DNAH5: variants seen among roughly 807,000 people sequenced by gnomAD.
DNAH5 encodes dynein axonemal heavy chain 5.
A neutral mutation model predicts 518.2 loss-of-function variants in DNAH5; 372 were observed. The ratio of observed to expected loss-of-function variants is 0.72; its 90% CI spans 0.66 to 0.78. The LOEUF (loss-of-function observed/expected upper bound fraction) is 0.78. Ranked by LOEUF, DNAH5 falls within the 30% of genes least tolerant of loss-of-function variation. The pLI is 0.00. For synonymous variants in DNAH5, 2,039 were observed against 2,025.9 expected (o/e 1.01, Z -0.17); for missense variants, 5,523 against 5,687.0 (o/e 0.97, Z 0.93).
rs548183364 is a variant in DNAH5, at chr5:13,865,769, C to A, written c.4254G>T (p.Leu1418=). Residue 1418 remains leucine, a synonymous_variant, in exon 27 of 79, where the codon CTG becomes CTT. Transcript: ENST00000265104. ...TTACAGTTTCTATGACACTGTTGTA[C>A]AGAGTATATATTTTCTGTAGAAGAT... The part of the protein sequence containing the change: ...QLNLLQKIYT[L]YNSVIETVNS... 1.9e-6 allele frequency: 3 copies of A among 1,610,688 alleles called. No homozygotes were observed. The African/African-American group carries it at 4.0e-5, about 22-fold the overall frequency.
intron 15 of DNAH5, chr5:13,898,608 T>G: frequency 2.5e-6 from 1 of 398,628 alleles, no homozygotes. Flanking sequence ...ATCTTTTAAC[T>G]TCTCTAAGCC....
At chr5:13,860,747 G>A (rs1768296021) in intron 29 of DNAH5, among the ~76,000 whole-genome samples, 2 of 152,122 alleles carry the variant, frequency 1.3e-5, no homozygotes, top group Admixed American at 1.3e-4. Flanking sequence ...TAGCCATTTT[G>A]TATGTGGTGT....
At chr5:13,922,373 A>G (rs745843685) in intron 4 of DNAH5, 45 bp from the exon 5 acceptor site, 2 of 1,512,776 alleles carry the variant, frequency 1.3e-6, no homozygotes, top group Non-Finnish European at 1.8e-6. Context: ...ATCATCCTCA[A>G]ATGCAACACA....
intron 75 of DNAH5, among the ~76,000 whole-genome samples, chr5:13,713,392 C>A (rs1472006372): frequency 7.6e-6 from 1 of 132,232 alleles, no homozygotes; most frequent in Non-Finnish European, 1.6e-5. Context: ...TATATATACA[C>A]TGACATATAT....
intron 22 of DNAH5, 91 bp from the exon 23 acceptor site, chr5:13,871,856 A>G (rs1770156987): frequency 1.8e-6 from 2 of 1,142,300 alleles, no homozygotes; most frequent in Non-Finnish European, 2.6e-6. Flanking sequence ...GGTGGTTCCT[A>G]TGGATTTATT....
rs186197754 is a variant in DNAH5, at chr5:13,972,168, G to A, written c.12+39480C>T. On this transcript the variant is annotated intron_variant, in intron 1 of 78. Coordinates refer to the DNAH5 transcript ENST00000681290. ...CTCGAAAGCTAGTCTCACTCCTACC[G>A]TGGGCCCCCAACAGCAGCAAGTTTA... Among the ~76,000 whole-genome samples, 6 of 152,222 alleles carry A rather than the reference G, an allele frequency of 3.9e-5. No individual in the cohort carries two copies. In the South Asian group the frequency reaches 6.2e-4, roughly 16 times the overall value.
chr5:13,947,701 AG>A (rs1283163052), upstream of DNAH5, among the ~76,000 whole-genome samples: 1 of 152,210 alleles, frequency 6.6e-6, no homozygotes, highest in Non-Finnish European at 1.5e-5. Flanking sequence ...ATCAGTTACT[AG>A]CTACACGTTT....
rs947222837 is a variant in DNAH5 at position 13,944,495 on chromosome 5, T to C, written c.-57A>G. On this transcript the variant is annotated 5_prime_UTR_variant, in exon 1 of 79. Coordinates refer to ENST00000265104, the MANE Select transcript of DNAH5 (RefSeq NM_001369.3). ...TCTTCCGGAATGGTCTTCTAACTCC[T>C]GGCAGACCTGCTCAACATCCAACAG... The C allele has an allele frequency of 2.0e-6, 3 of 1,481,866 alleles. No individual in the cohort carries two copies. The highest frequency in any genetic ancestry group is 2.8e-6 in the Non-Finnish European group (3 of 1,066,112). The allele number at this position is 1,481,866 out of a possible 1,614,324, so 91.8% of individuals were successfully genotyped here.
At chr5:13,788,555 T>A (rs1350721764) in intron 51 of DNAH5, among the ~76,000 whole-genome samples, 161 bp downstream of exon 51, 1 of 152,238 alleles carries the variant, frequency 6.6e-6, no homozygotes, top group Non-Finnish European at 1.5e-5. Flanking sequence ...ATGCATTAAT[T>A]CACTCATCCT....
intron 65 of DNAH5, among the ~76,000 whole-genome samples, chr5:13,739,544 G>A (rs901825141): frequency 6.6e-6 from 1 of 152,154 alleles, no homozygotes; most frequent in African/African-American, 2.4e-5. Context: ...ACCAGTGAGA[G>A]AATGGACTAA....
chr5:13,916,570 A>T (rs1321142593), intron 8 of DNAH5, 115 bp from the exon 9 acceptor site: 2 of 558,782 alleles, frequency 3.6e-6, no homozygotes, highest in South Asian at 1.9e-5. Context: ...TTAAAGATTT[A>T]AAAATACTAT....
At chr5:13,914,688 G>A (rs746373928) in intron 9 of DNAH5, 46 bp from the exon 10 acceptor site, 4 of 1,593,414 alleles carry the variant, frequency 2.5e-6, no homozygotes, top group Middle Eastern at 1.8e-4. Context: ...AAACAGCCAT[G>A]GATTGTAAAC....
rs780992579 is a variant in DNAH5, at chr5:13,916,396, G to A, written c.1149C>T (p.Ile383=). The A allele has an allele frequency of 6.5e-7, 1 of 1,547,644 alleles. No individual in the cohort carries two copies. The highest frequency in any genetic ancestry group is 8.9e-7 in the Non-Finnish European group (1 of 1,121,878). ...LINAIKMIYS[I]SHYYNTSEKI... Reference sequence around the variant, plus strand: ...TCTCAGAGGTATTATAGTAATGAGAGATACTATAGATCATTTTAATTGCAT... The same window carrying A: ...TCTCAGAGGTATTATAGTAATGAGAAATACTATAGATCATTTTAATTGCAT... Residue 383 remains isoleucine (I), a synonymous_variant, in exon 9 of 79, where the codon ATC becomes ATT. Transcript: ENST00000265104.
At chr5:13,735,369 ATTGT>A (rs1483469841) in intron 67 of DNAH5, 48 bp from the exon 68 acceptor site, 1 of 1,558,698 alleles carries the variant, frequency 6.4e-7, no homozygotes, top group Admixed American at 1.7e-5. Context: ...GCCCTTTTCA[ATTGT>A]CTGTAAAAAC....
rs979134329 is a variant in DNAH5 at position 13,894,792 on chromosome 5, C to T, written c.2289G>A (p.Lys763=). 3 of 1,613,972 alleles carry T rather than the reference C, an allele frequency of 1.9e-6. No homozygotes were observed. Among genetic ancestry groups the T allele is most frequent in the East Asian group, 2.2e-5 (1 of 44,876 alleles). ...KMMLAEYQRV[K]SKIPAAIEQL... ...GCTCAATGGCAGCAGGTATTTTTGA[C>T]TTCACTCTCTGATATTCAGCTAGCA... is the stretch of plus-strand genomic sequence containing the variant. Residue 763 remains lysine (K), a synonymous_variant, in exon 16 of 79, where the codon AAG becomes AAA. Coordinates refer to ENST00000265104, the MANE Select transcript of DNAH5 (RefSeq NM_001369.3).
chr5:14,011,347 G>A (rs1230987515), intron 1 of DNAH5, among the ~76,000 whole-genome samples: 1 of 152,210 alleles, frequency 6.6e-6, no homozygotes, highest in Non-Finnish European at 1.5e-5. Context: ...GCAAGAGGAA[G>A]AGGAGGAAGT....
chr5:13,884,132 T>C (rs577574698), intron 19 of DNAH5, among the ~76,000 whole-genome samples: 2 of 152,094 alleles, frequency 1.3e-5, no homozygotes, highest in African/African-American at 2.4e-5. Context: ...GATGATGCTA[T>C]TGAAAATGAG....
intron 1 of DNAH5, among the ~76,000 whole-genome samples, chr5:13,931,583 G>A (rs748941393): frequency 5.9e-5 from 9 of 152,082 alleles, no homozygotes; most frequent in Non-Finnish European, 1.2e-4. Context: ...CAAAAAAAGA[G>A]ATCTCCATTT....
At chr5:13,909,896 G>C (rs1471874109) in intron 12 of DNAH5, among the ~76,000 whole-genome samples, 1 of 152,128 alleles carries the variant, frequency 6.6e-6, no homozygotes, top group African/African-American at 2.4e-5. Flanking sequence ...TTGTTTCATT[G>C]CAATAAATCT....
Sources: allele counts gnomAD v4.1 joint callset (sites outside exome capture counted in the v4.1 genomes callset), GRCh38; gene constraint gnomAD v4.1.1; transcripts MANE v1.5; gene names NCBI Gene and HGNC (gene_info 2026-07-23, HGNC 2026-07-21).